Variants in PRELID2 observed in about 807,000 individuals in gnomAD.
PRELID2 encodes PRELI domain-containing protein 2.
Under a neutral mutation model 28.4 loss-of-function variants are expected in PRELID2, and 25 were observed. The observed-to-expected ratio is 0.88, with a 90% CI of 0.64 to 1.23. PRELID2 has a LOEUF of 1.23. PRELID2 is among the 50% of genes most tolerant of loss of function. PRELID2 has a pLI of 0.00. For synonymous variants in PRELID2, 76 were observed against 71.6 expected (o/e 1.06, Z -0.31); for missense variants, 201 against 214.4 (o/e 0.94, Z 0.39).
chr5:145,463,328 G>T, the PRELID2 span, among the ~76,000 whole-genome samples: 93 of 143,586 alleles, frequency 6.5e-4, 1 homozygote, highest in African/African-American at 2.3e-3. Flanking sequence ...TTAACTCAAA[G>T]CATCCTATTT....
At chr5:145,367,422 C>A in the PRELID2 span, among the ~76,000 whole-genome samples, 4 of 151,850 alleles carry the variant, frequency 2.6e-5, no homozygotes, top group African/African-American at 9.7e-5. Context: ...AACAGCTATT[C>A]ATTTATTTCA....
rs117525099 is a variant in PRELID2, at chr5:145,678,956, A to G, written n.70+85975T>C. Among the ~76,000 whole-genome samples the G allele has an allele frequency of 5.4e-4, 83 of 152,332 alleles. No individual in the cohort carries two copies. The East Asian group carries it at 0.014, about 27-fold the overall frequency. On this transcript the variant is annotated intron_variant and non_coding_transcript_variant, in intron 1 of 2. Coordinates refer to the PRELID2 transcript ENST00000510259. Reference sequence around the variant, plus strand: ...TTCACATTTCTTTATTGCTCATGAAATTCATGTTGTCCTCGCTGATCTCTC... The same window carrying G: ...TTCACATTTCTTTATTGCTCATGAAGTTCATGTTGTCCTCGCTGATCTCTC...
the PRELID2 span, among the ~76,000 whole-genome samples, chr5:145,239,365 T>C: frequency 6.6e-6 from 1 of 151,958 alleles, no homozygotes; most frequent in Non-Finnish European, 1.5e-5. Context: ...TGAGAGGACA[T>C]AGTCTCTGGT....
the PRELID2 span, chr5:145,338,085 A>T: frequency 6.6e-6 from 1 of 152,174 alleles, no homozygotes; most frequent in Admixed American, 6.5e-5. Context: ...TTTATTCAAA[A>T]CTTTACATTG....
intron 1 of PRELID2, among the ~76,000 whole-genome samples, chr5:145,575,937 T>A (rs2149621207): frequency 6.6e-6 from 1 of 152,196 alleles, no homozygotes; most frequent in South Asian, 2.1e-4. Context: ...CTTCTTATGT[T>A]GGGAACACTC....
chr5:145,493,697 T>G (rs1752286913), intron 1 of PRELID2, among the ~76,000 whole-genome samples: 1 of 152,076 alleles, frequency 6.6e-6, no homozygotes, highest in East Asian at 1.9e-4. Context: ...TTTCTTTCCT[T>G]CTCCGCCTCT....
At chr5:145,690,385 G>A (rs764993579) in intron 1 of PRELID2, among the ~76,000 whole-genome samples, 5 of 152,148 alleles carry the variant, frequency 3.3e-5, no homozygotes, top group Non-Finnish European at 7.3e-5. Context: ...CAATCAGAAC[G>A]CCACGTGTTT....
intron 1 of PRELID2, among the ~76,000 whole-genome samples, chr5:145,664,847 T>C (rs1754557956): frequency 6.6e-6 from 1 of 152,128 alleles, no homozygotes. Context: ...GGAATGGTCC[T>C]GAGATCCATA....
the PRELID2 span, among the ~76,000 whole-genome samples, chr5:145,247,272 A>G: frequency 6.6e-6 from 1 of 152,110 alleles, no homozygotes; most frequent in East Asian, 1.9e-4. Flanking sequence ...ATTATCTTTA[A>G]AAACCTGATC....
chr5:145,469,975 C>G (rs1033587985), downstream of PRELID2, among the ~76,000 whole-genome samples: 6 of 152,072 alleles, frequency 3.9e-5, no homozygotes, highest in African/African-American at 1.4e-4. Flanking sequence ...TATATTATGT[C>G]ATTTATTGTG....
At chr5:145,816,641 G>A (rs1313615026) in intron 4 of PRELID2, among the ~76,000 whole-genome samples, 1 of 151,854 alleles carries the variant, frequency 6.6e-6, no homozygotes, top group African/African-American at 2.4e-5. Context: ...TCATTCTTTC[G>A]TATGTGGATA....
rs185430587 is a variant in PRELID2, at chr5:145,715,910, C to G, written n.70+49021G>C. Among the ~76,000 whole-genome samples the G allele has an allele frequency of 5.6e-4, 85 of 152,286 alleles. No individual in the cohort carries two copies. In the South Asian group the frequency reaches 5.6e-3, roughly 10 times the overall value. The stretch of plus-strand genomic sequence containing the variant: ...TTATCTCCATGGCAAGTATCATTAT[C>G]TATTTTCTTGTTTATTTATTTGTTT... On this transcript the variant is annotated intron_variant and non_coding_transcript_variant, in intron 1 of 2. Coordinates refer to the PRELID2 transcript ENST00000510259.
At chr5:145,511,340 C>T (rs1233912363) in intron 1 of PRELID2, among the ~76,000 whole-genome samples, 1 of 152,210 alleles carries the variant, frequency 6.6e-6, no homozygotes, top group Non-Finnish European at 1.5e-5. Context: ...ATTATCTCTT[C>T]TAAATCTCAC....
At chr5:145,740,816 A>C (rs1393588491) in intron 1 of PRELID2, among the ~76,000 whole-genome samples, 2 of 115,856 alleles carry the variant, frequency 1.7e-5, no homozygotes, top group Non-Finnish European at 3.3e-5. Flanking sequence ...TATACATTAT[A>C]CATATATACA....
intron 1 of PRELID2, among the ~76,000 whole-genome samples, chr5:145,577,509 G>GA (rs974440500): frequency 7.3e-5 from 11 of 151,496 alleles, no homozygotes; most frequent in Non-Finnish European, 1.5e-4. Flanking sequence ...TCTGGCAGAA[G>GA]AAAAAAATCT....
the PRELID2 span, among the ~76,000 whole-genome samples, chr5:145,247,628 C>T: frequency 1.3e-5 from 2 of 152,074 alleles, no homozygotes; most frequent in African/African-American, 4.8e-5. Context: ...TATTGAATGC[C>T]AATCAGGCAT....
chr5:145,694,723 T>C (rs187393982), intron 1 of PRELID2, among the ~76,000 whole-genome samples: 9 of 152,108 alleles, frequency 5.9e-5, no homozygotes, highest in Non-Finnish European at 1.0e-4. Flanking sequence ...TTTTAGTGAC[T>C]ACTGTGTGAA....
chr5:145,657,613 A>G (rs1451187041), intron 1 of PRELID2, among the ~76,000 whole-genome samples: 1 of 152,146 alleles, frequency 6.6e-6, no homozygotes, highest in East Asian at 1.9e-4. Context: ...TGAACCCGGG[A>G]GACAGAGGTT....
chr5:145,297,973 T>G, the PRELID2 span, among the ~76,000 whole-genome samples: 560 of 152,148 alleles, frequency 3.7e-3, 5 homozygotes, highest in Non-Finnish European at 5.0e-3. Flanking sequence ...TAAAAGAGGA[T>G]ACAAACAAAT....
Sources: gnomAD v4.1 joint callset for allele counts (sites outside exome capture counted in the v4.1 genomes callset) on GRCh38, gnomAD v4.1.1 for gene constraint, MANE v1.5 for transcripts, NCBI Gene and HGNC (gene_info 2026-07-23, HGNC 2026-07-21) for gene names.